C14orf39: variants seen among roughly 807,000 people sequenced by gnomAD.
C14orf39 encodes the protein chromosome 14 open reading frame 39.
A neutral mutation model predicts 85.6 loss-of-function variants in C14orf39; 66 were observed. That is an observed-to-expected ratio of 0.77 (90% confidence interval 0.63 to 0.95). The LOEUF (loss-of-function observed/expected upper bound fraction) is 0.95. Ranked by LOEUF, C14orf39 falls within the 40% of genes least tolerant of loss-of-function variation. C14orf39 has a pLI of 0.00. For missense variants in C14orf39, 735 were observed against 663.9 expected, an observed-to-expected ratio of 1.11 and a Z score of -1.18; for synonymous variants, 242 against 214.0, an observed-to-expected ratio of 1.13 and a Z score of -1.14.
chr14:60,487,630 C>T (rs1359495923), upstream of C14orf39, among the ~76,000 whole-genome samples: 1 of 152,080 alleles, frequency 6.6e-6, no homozygotes, highest in East Asian at 1.9e-4. Flanking sequence ...ATTTTATATT[C>T]TTTGGATATG....
intron 16 of C14orf39, among the ~76,000 whole-genome samples, chr14:60,445,106 G>T (rs1890700701): frequency 6.6e-6 from 1 of 151,930 alleles, no homozygotes; most frequent in Non-Finnish European, 1.5e-5. Flanking sequence ...ACCAGCCACT[G>T]CAAAAACATG....
chr14:60,510,070 C>A, intron 1 of C14orf39: 1 of 1,084,802 alleles, frequency 9.2e-7, no homozygotes, highest in Non-Finnish European at 1.4e-6. Context: ...TCCAATTCAG[C>A]AGGAGTTGGG....
chr14:60,509,566 A>G lies in C14orf39; in HGVS notation c.-144+5829T>C, dbSNP rs745636199. 16 of 1,612,310 alleles carry G rather than the reference A, an allele frequency of 9.9e-6. No homozygotes were observed. The South Asian group carries it at 1.5e-4, about 15-fold the overall frequency. ...ACAAGAATGAGTCGGTGCTACGCGC[A>G]CGAGCCATCGTGGCCTTTCACGGTG... is the stretch of plus-strand genomic sequence containing the variant. On this transcript the variant is annotated intron_variant, in intron 1 of 5. Coordinates refer to the C14orf39 transcript ENST00000556799.
chr14:60,437,898 T>C (rs936128800), intron 17 of C14orf39, among the ~76,000 whole-genome samples: 1 of 151,796 alleles, frequency 6.6e-6, no homozygotes, highest in Admixed American at 6.6e-5. Flanking sequence ...AAGCCCAGAA[T>C]TGCCATTAAG....
Position 60,473,573 on chromosome 14 carries a change from T to A in C14orf39, c.324-1834A>T, listed in dbSNP as rs577332850. Among the ~76,000 whole-genome samples, 8 of 152,322 alleles carry A rather than the reference T, an allele frequency of 5.3e-5. No homozygotes were observed. The East Asian group carries it at 1.5e-3, about 29-fold the overall frequency. The stretch of plus-strand genomic sequence containing the variant: ...AGTCTTTAATCCATCTTGAATTAAT[T>A]TTTGTATAAGGCGTAAGGAAGGGAT... On this transcript the variant is annotated intron_variant, in intron 5 of 17. Transcript: ENST00000321731.
At chr14:60,446,688 A>G (rs940144665) in intron 16 of C14orf39, among the ~76,000 whole-genome samples, 2 of 152,242 alleles carry the variant, frequency 1.3e-5, no homozygotes, top group Admixed American at 1.3e-4. Flanking sequence ...AATCCCCCAT[A>G]ACTCATTTTA....
chr14:60,485,278 G>A (rs1266077576), intron 1 of C14orf39, among the ~76,000 whole-genome samples, 192 bp from the exon 2 acceptor site: 1 of 152,140 alleles, frequency 6.6e-6, no homozygotes, highest in Non-Finnish European at 1.5e-5. Flanking sequence ...CCCAACGAGC[G>A]CTTCAGAAAT....
At chr14:60,461,474 G>T in intron 12 of C14orf39, 34 bp downstream of exon 12, 1 of 1,568,144 alleles carries the variant, frequency 6.4e-7, no homozygotes, top group Non-Finnish European at 8.7e-7. Flanking sequence ...AATTATTTCA[G>T]AGATTAAAGC....
At chr14:60,439,897 G>C (rs1254320) in intron 17 of C14orf39, among the ~76,000 whole-genome samples, 1 of 151,844 alleles carries the variant, frequency 6.6e-6, no homozygotes. Flanking sequence ...AACATAGTGA[G>C]ACCCCGTCTC....
chr14:60,474,605 C>G (rs1249483322), intron 5 of C14orf39, among the ~76,000 whole-genome samples: 1 of 152,126 alleles, frequency 6.6e-6, no homozygotes, highest in Non-Finnish European at 1.5e-5. Flanking sequence ...TAGTTTTTAG[C>G]ATGAAGCGTT....
chr14:60,484,895 A>C lies in C14orf39; in HGVS notation c.92T>G (p.Ile31Ser). ...AAGCTACTTACTATTAATTCTTTGA[A>C]TCATCTCTTCTTTAGTACTTATGTC... ...EQDISTKEEM[I>S]QRINKCCEDI... Residue 31 changes from isoleucine to serine, a missense_variant, in exon 3 of 18, where the codon ATT (isoleucine) becomes AGT (serine). Ile to Ser is a moderately radical substitution (Grantham distance 142, BLOSUM62 -2). Transcript: ENST00000321731. The surrounding 1 kb of genome is among the most constrained non-coding windows in gnomAD (Gnocchi z 4.2). The C allele has an allele frequency of 1.3e-6, 2 of 1,566,350 alleles. No homozygotes were observed. Among genetic ancestry groups the C allele is most frequent in the Non-Finnish European group, 1.7e-6 (2 of 1,151,096 alleles).
At chr14:60,507,265 C>T (rs1056491683) in intron 1 of C14orf39, among the ~76,000 whole-genome samples, 2 of 152,196 alleles carry the variant, frequency 1.3e-5, no homozygotes, top group African/African-American at 4.8e-5. Context: ...GATCGCAGCC[C>T]TCCCGGGTCC....
Position 60,483,744 on chromosome 14 carries a change from C to T in C14orf39, c.180G>A (p.Glu60=). The change falls in exon 4 of 18, where the codon GAG becomes GAA. Residue 60 remains glutamate, a synonymous_variant. Transcript: ENST00000321731. ...RIHETINATD[E]EIDHYCKHSE... ...TATGTTTACAGTAATGATCAATTTCCTCATCTGTTGCATTTATAGTTTCGT... is the reference window on the plus strand; with the variant it reads ...TATGTTTACAGTAATGATCAATTTCTTCATCTGTTGCATTTATAGTTTCGT... The T allele has an allele frequency of 6.3e-7, 1 of 1,592,288 alleles. No individual in the cohort carries two copies. The highest frequency in any genetic ancestry group is 8.6e-7 in the Non-Finnish European group (1 of 1,162,970).
At chr14:60,511,156 G>T (rs1165739029) in intron 1 of C14orf39, 12 of 1,612,804 alleles carry the variant, frequency 7.4e-6, no homozygotes, top group African/African-American at 1.3e-5. Flanking sequence ...CGCCAGAGGT[G>T]CTGGGCGTCG....
At chr14:60,472,502 T>C (rs1566673885) in intron 5 of C14orf39, among the ~76,000 whole-genome samples, 1 of 152,144 alleles carries the variant, frequency 6.6e-6, no homozygotes, top group Admixed American at 6.6e-5. Flanking sequence ...CTGCACCCAT[T>C]AACTCGTCAT....
chr14:60,469,741 A>G (rs927961196), intron 7 of C14orf39, 88 bp from the exon 8 acceptor site: 7 of 602,042 alleles, frequency 1.2e-5, no homozygotes, highest in Non-Finnish European at 1.7e-5. Flanking sequence ...ATTATGTGAC[A>G]TCATTTATAT....
intron 2 of C14orf39, chr14:60,496,382 T>C (rs1436111496): frequency 1.2e-5 from 4 of 339,328 alleles, no homozygotes; most frequent in South Asian, 8.5e-5. Context: ...TTTGGGTAAA[T>C]AGCTTATGTT....
upstream of C14orf39, among the ~76,000 whole-genome samples, chr14:60,488,314 A>G (rs1892936200): frequency 6.6e-6 from 1 of 152,138 alleles, no homozygotes; most frequent in Non-Finnish European, 1.5e-5. Flanking sequence ...TACCAACACC[A>G]CTACCATCTA....
chr14:60,485,282 C>T (rs1282589233), intron 1 of C14orf39, among the ~76,000 whole-genome samples, 196 bp from the exon 2 acceptor site: 1 of 152,196 alleles, frequency 6.6e-6, no homozygotes, highest in Non-Finnish European at 1.5e-5. Context: ...ACGAGCGCTT[C>T]AGAAATCGTT....
Sources: allele counts gnomAD v4.1 joint callset (sites outside exome capture counted in the v4.1 genomes callset), GRCh38; gene constraint gnomAD v4.1.1; non-coding constraint Gnocchi (gnomAD v3.1); transcripts MANE v1.5; gene names NCBI Gene and HGNC (gene_info 2026-07-23, HGNC 2026-07-21).